SYNJ2BP: variants seen among roughly 807,000 people sequenced by gnomAD.
The protein encoded by SYNJ2BP is synaptojanin-2-binding protein.
A neutral mutation model predicts 16.9 loss-of-function variants in SYNJ2BP; 10 were observed. The observed-to-expected ratio is 0.59, with a 90% CI of 0.36 to 1.00. SYNJ2BP has a LOEUF of 1.00. Ranked by LOEUF, SYNJ2BP falls within the 50% of genes least tolerant of loss-of-function variation. The probability of loss-of-function intolerance (pLI) is 0.01; values close to 1 mark genes in which losing one functional copy is unlikely to be tolerated. For missense variants in SYNJ2BP, 162 were observed against 186.7 expected (o/e 0.87, Z 0.77); for synonymous variants, 54 against 68.4 (o/e 0.79, Z 1.04).
chr14:70,389,247 C>T (rs1178221882), intron 1 of SYNJ2BP, among the ~76,000 whole-genome samples: 1 of 152,192 alleles, frequency 6.6e-6, no homozygotes. Flanking sequence ...TACCAATTAT[C>T]AAATGAACTG....
chr14:70,400,524 C>A (rs1157102602), intron 1 of SYNJ2BP, among the ~76,000 whole-genome samples: 4 of 151,810 alleles, frequency 2.6e-5, no homozygotes, highest in Non-Finnish European at 4.4e-5. Context: ...TAAAAAAAAA[C>A]AAACAATACC....
chr14:70,415,874 T>C (rs1888595198), intron 1 of SYNJ2BP, among the ~76,000 whole-genome samples: 1 of 152,216 alleles, frequency 6.6e-6, no homozygotes, highest in Admixed American at 6.5e-5. Context: ...CACATACTGT[T>C]TACCATAGGT....
chr14:70,400,475 T>A (rs1401821627), intron 1 of SYNJ2BP, among the ~76,000 whole-genome samples: 1 of 152,224 alleles, frequency 6.6e-6, no homozygotes, highest in Non-Finnish European at 1.5e-5. Context: ...GAACAGTGCC[T>A]TTAGAAACCC....
chr14:70,387,762 C>G (rs549772984), intron 2 of SYNJ2BP, among the ~76,000 whole-genome samples: 3 of 149,552 alleles, frequency 2.0e-5, no homozygotes, highest in Non-Finnish European at 4.4e-5. Context: ...ACCCGGGAGG[C>G]AGAGGTTGCG....
intron 1 of SYNJ2BP, among the ~76,000 whole-genome samples, chr14:70,393,594 A>G (rs565661628): frequency 6.6e-6 from 1 of 152,344 alleles, no homozygotes; most frequent in South Asian, 2.1e-4. Context: ...AAATTGGCAC[A>G]TATATATCAT....
chr14:70,414,394 T>C (rs1888556647), intron 1 of SYNJ2BP, among the ~76,000 whole-genome samples: 1 of 152,198 alleles, frequency 6.6e-6, no homozygotes, highest in Non-Finnish European at 1.5e-5. Flanking sequence ...CATTTTTGGG[T>C]GAAATATATT....
At chr14:70,389,337 G>A (rs1887929263) in intron 1 of SYNJ2BP, among the ~76,000 whole-genome samples, 1 of 147,058 alleles carries the variant, frequency 6.8e-6, no homozygotes, top group Non-Finnish European at 1.5e-5. Flanking sequence ...GAGAATTTAT[G>A]TATGATAGTG....
intron 1 of SYNJ2BP, among the ~76,000 whole-genome samples, chr14:70,411,173 T>A (rs1028808512): frequency 6.6e-6 from 1 of 152,198 alleles, no homozygotes; most frequent in Admixed American, 6.5e-5. Flanking sequence ...TGGATCGAAA[T>A]CTTCACTTAA....
intron 1 of SYNJ2BP, among the ~76,000 whole-genome samples, chr14:70,414,410 G>A (rs563984024): frequency 6.6e-6 from 1 of 152,140 alleles, no homozygotes; most frequent in African/African-American, 2.4e-5. Context: ...ATATTAGCTA[G>A]ATATAATTAT....
Position 70,372,868 on chromosome 14 carries a change from G to T in SYNJ2BP, c.*123C>A. Reference sequence around the variant, plus strand: ...TTGGAGACTGTGAACAGCAAGGTTTGGGGTGGGTATCAGTCACTTCAAATC... The same window carrying T: ...TTGGAGACTGTGAACAGCAAGGTTTTGGGTGGGTATCAGTCACTTCAAATC... On this transcript the variant is annotated 3_prime_UTR_variant, in exon 4 of 4. Transcript: ENST00000256366. The T allele has an allele frequency of 7.2e-7, 1 of 1,397,018 alleles. No homozygotes were observed. The highest frequency in any genetic ancestry group is 9.7e-7 in the Non-Finnish European group (1 of 1,029,028). 86.5% of individuals were successfully genotyped at this position (1,397,018 alleles called of 1,614,324 possible).
At chr14:70,403,084 G>A (rs538765874) in intron 1 of SYNJ2BP, among the ~76,000 whole-genome samples, 1 of 152,316 alleles carries the variant, frequency 6.6e-6, no homozygotes, top group African/African-American at 2.4e-5. Context: ...TATGCCTCTA[G>A]GGGTATCAAT....
At chr14:70,408,141 G>A (rs1404593178) in intron 1 of SYNJ2BP, among the ~76,000 whole-genome samples, 1 of 150,964 alleles carries the variant, frequency 6.6e-6, no homozygotes, top group African/African-American at 2.4e-5. Flanking sequence ...GACTATTGCA[G>A]TAATAGGGTT....
At chr14:70,416,369 T>A (rs565594933) in intron 1 of SYNJ2BP, among the ~76,000 whole-genome samples, 144 of 151,734 alleles carry the variant, frequency 9.5e-4, no homozygotes, top group East Asian at 4.4e-3. Context: ...GGAACCAAGT[T>A]TGGGAACCTG....
chr14:70,397,551 TC>T (rs1391235190), intron 1 of SYNJ2BP, among the ~76,000 whole-genome samples: 1 of 152,198 alleles, frequency 6.6e-6, no homozygotes, highest in Non-Finnish European at 1.5e-5. Flanking sequence ...AGGTGCTGGC[TC>T]TCTGCAAGGC....
intron 1 of SYNJ2BP, 89 bp from the exon 2 acceptor site, chr14:70,388,695 C>G: frequency 7.2e-7 from 1 of 1,379,594 alleles, no homozygotes; most frequent in Non-Finnish European, 9.4e-7. Context: ...GGAAAGCCTA[C>G]TGGGGAGGAA....
chr14:70,383,249 AAAG>A (rs1181647795), intron 2 of SYNJ2BP, among the ~76,000 whole-genome samples: 2 of 152,214 alleles, frequency 1.3e-5, no homozygotes, highest in Non-Finnish European at 2.9e-5. Flanking sequence ...TATTTTATTT[AAAG>A]AATGCTGCTG....
At chr14:70,411,720 C>G (rs1888476893) in intron 1 of SYNJ2BP, among the ~76,000 whole-genome samples, 1 of 152,318 alleles carries the variant, frequency 6.6e-6, no homozygotes, top group Admixed American at 6.5e-5. Flanking sequence ...TTTAATTGAC[C>G]ATTTTAATGG....
At position 70,403,994 on chromosome 14, in the gene SYNJ2BP, C is replaced by T. The variant is rs925860776; in HGVS notation, c.64+12906G>A. ...TACTTTGTTGGTTTAATGAAAATGG[C>T]TGTTTCTTCTGATCAGCAAAATATG... On this transcript the variant is annotated intron_variant, in intron 1 of 3. Coordinates refer to ENST00000256366, the MANE Select transcript of SYNJ2BP (RefSeq NM_018373.3). 3.3e-5 allele frequency among the ~76,000 whole-genome samples: 5 copies of T among 152,222 alleles called. No individual in the cohort carries two copies. The East Asian group carries it at 9.6e-4, about 29-fold the overall frequency.
chr14:70,406,519 G>T (rs1212937969), intron 1 of SYNJ2BP, among the ~76,000 whole-genome samples: 3 of 152,208 alleles, frequency 2.0e-5, no homozygotes, highest in African/African-American at 7.2e-5. Context: ...CACAAGATTA[G>T]AAATTATGAT....
Sources: allele counts gnomAD v4.1 joint callset (sites outside exome capture counted in the v4.1 genomes callset), GRCh38; gene constraint gnomAD v4.1.1; transcripts MANE v1.5; gene names NCBI Gene and HGNC (gene_info 2026-07-23, HGNC 2026-07-21).